PLXDC2: variants seen among roughly 807,000 people sequenced by gnomAD.
PLXDC2 encodes the protein plexin domain containing 2.
Under a neutral mutation model 68.9 loss-of-function variants are expected in PLXDC2, and 40 were observed. The observed-to-expected ratio is 0.58, with a 90% CI of 0.45 to 0.76. The LOEUF is 0.76. Ranked by LOEUF, PLXDC2 falls within the 30% of genes least tolerant of loss-of-function variation. The probability of loss-of-function intolerance (pLI) is 0.00; values close to 1 mark genes in which losing one functional copy is unlikely to be tolerated. For synonymous variants in PLXDC2, 243 were observed against 234.2 expected, an observed-to-expected ratio of 1.04 and a Z score of -0.34; for missense variants, 644 against 661.9, an observed-to-expected ratio of 0.97 and a Z score of 0.30.
At chr10:20,076,994 A>T (rs1051492331) in intron 4 of PLXDC2, among the ~76,000 whole-genome samples, 2 of 152,184 alleles carry the variant, frequency 1.3e-5, no homozygotes, top group Non-Finnish European at 2.9e-5. Flanking sequence ...ACTGGGTAAC[A>T]AGCATTATAA....
rs543425302 is a variant in PLXDC2, at chr10:20,153,519, T to A, written c.783+5617T>A. ...ATTTTATTCACATTTCCTGCTTGAT[T>A]TAAGTGGTAGAAATGATCTTAATCT... On this transcript the variant is annotated intron_variant, in intron 6 of 13. Transcript: ENST00000377252. 9.1e-4 allele frequency among the ~76,000 whole-genome samples: 139 copies of A among 152,286 alleles called. 1 individual carries two copies. The highest frequency in any genetic ancestry group is 3.1e-3 in the African/African-American group (127 of 41,558).
chr10:19,951,491 CAA>C (rs550058681), intron 1 of PLXDC2, among the ~76,000 whole-genome samples: 1 of 151,750 alleles, frequency 6.6e-6, no homozygotes, highest in Non-Finnish European at 1.5e-5. Context: ...ATTTAAAAGT[CAA>C]AAAAACAACA....
intron 1 of PLXDC2, among the ~76,000 whole-genome samples, chr10:19,965,925 T>C (rs2131606702): frequency 6.6e-6 from 1 of 152,246 alleles, no homozygotes; most frequent in Admixed American, 6.5e-5. Flanking sequence ...TAACAAGATC[T>C]CAGTCTCAAT....
intron 3 of PLXDC2, among the ~76,000 whole-genome samples, chr10:20,061,788 G>A (rs535824090): frequency 1.0e-3 from 157 of 152,198 alleles, no homozygotes; most frequent in African/African-American, 3.5e-3. Flanking sequence ...TGAAGACATC[G>A]TAACATTGCC....
chr10:20,128,843 C>T (rs1833827552), intron 4 of PLXDC2, among the ~76,000 whole-genome samples: 1 of 152,112 alleles, frequency 6.6e-6, no homozygotes, highest in Non-Finnish European at 1.5e-5. Flanking sequence ...AATAGTATTC[C>T]ATTTTGTACC....
intron 9 of PLXDC2, among the ~76,000 whole-genome samples, chr10:20,206,859 C>CAG (rs1834999967): frequency 6.8e-6 from 1 of 147,640 alleles, no homozygotes; most frequent in South Asian, 2.1e-4. Flanking sequence ...AACACACACA[C>CAG]ACACACACAC....
chr10:19,944,781 T>C (rs1284947051), intron 1 of PLXDC2, among the ~76,000 whole-genome samples: 1 of 152,066 alleles, frequency 6.6e-6, no homozygotes, highest in East Asian at 1.9e-4. Flanking sequence ...TGAAACCCCG[T>C]TTCTACTAAA....
rs10675416 is a variant in PLXDC2 at position 20,140,387 on chromosome 10, C to CATATATATATAT, written c.542-2904_542-2893dup. Among the ~76,000 whole-genome samples the CATATATATATAT allele has an allele frequency of 2.1e-3, 314 of 147,062 alleles. 4 individuals carry two copies. Among genetic ancestry groups the CATATATATATAT allele is most frequent in the South Asian group, 0.019 (87 of 4,658 alleles). On this transcript the variant is annotated intron_variant, in intron 4 of 13. Coordinates refer to ENST00000377252, the MANE Select transcript of PLXDC2 (RefSeq NM_032812.9). ...AAAAAATGAAGGACCAGAAAAATAA[C>CATATATATATAT]ATATATATATATATAAAATATCTAT... is the stretch of plus-strand genomic sequence containing the variant.
intron 4 of PLXDC2, among the ~76,000 whole-genome samples, chr10:20,083,650 A>G (rs1833144535): frequency 1.3e-5 from 2 of 152,236 alleles, no homozygotes; most frequent in South Asian, 4.1e-4. Flanking sequence ...AATATTTAAA[A>G]GAGTATGCAG....
intron 13 of PLXDC2, among the ~76,000 whole-genome samples, chr10:20,266,473 C>CTTT (rs1199326912): frequency 6.6e-6 from 1 of 151,708 alleles, no homozygotes; most frequent in Non-Finnish European, 1.5e-5. Flanking sequence ...TTTTTAAAAT[C>CTTT]TAAATAATTA....
chr10:19,948,285 T>C (rs1833936261), intron 1 of PLXDC2, among the ~76,000 whole-genome samples: 1 of 152,062 alleles, frequency 6.6e-6, no homozygotes. Flanking sequence ...TCTCTAAGGA[T>C]GCCATTTCTC....
chr10:19,982,142 A>C (rs1834561401), intron 1 of PLXDC2, among the ~76,000 whole-genome samples: 1 of 152,252 alleles, frequency 6.6e-6, no homozygotes, highest in African/African-American at 2.4e-5. Flanking sequence ...CAAAGAGTAA[A>C]TGCATTCATT....
At chr10:19,995,520 G>A (rs1834829786) in intron 1 of PLXDC2, among the ~76,000 whole-genome samples, 1 of 152,192 alleles carries the variant, frequency 6.6e-6, no homozygotes, top group South Asian at 2.1e-4. Flanking sequence ...CTCCCAGAAG[G>A]AAGGAAGGTG....
intron 1 of PLXDC2, among the ~76,000 whole-genome samples, chr10:19,918,709 T>C (rs1014591437): frequency 6.6e-6 from 1 of 152,222 alleles, no homozygotes; most frequent in Non-Finnish European, 1.5e-5. Context: ...TACTTTCCCA[T>C]ACTTTAATAT....
chr10:19,823,535 T>C (rs1488095094), intron 1 of PLXDC2, among the ~76,000 whole-genome samples: 3 of 151,678 alleles, frequency 2.0e-5, no homozygotes, highest in Non-Finnish European at 4.4e-5. Flanking sequence ...TAAAAAAAAT[T>C]AGCCAGGCAT....
At chr10:19,917,190 C>A (rs1347654108) in intron 1 of PLXDC2, among the ~76,000 whole-genome samples, 5 of 152,218 alleles carry the variant, frequency 3.3e-5, no homozygotes, top group Non-Finnish European at 5.9e-5. Context: ...TTGAGTCTGG[C>A]AGTGCGGTGT....
intron 4 of PLXDC2, among the ~76,000 whole-genome samples, chr10:20,118,070 A>G (rs1833645507): frequency 6.6e-6 from 1 of 151,836 alleles, no homozygotes; most frequent in African/African-American, 2.4e-5. Context: ...ATATGTGTCT[A>G]TATATGTCTG....
intron 1 of PLXDC2, among the ~76,000 whole-genome samples, chr10:19,990,601 G>C (rs1387802060): frequency 6.6e-6 from 1 of 151,862 alleles, no homozygotes; most frequent in East Asian, 1.9e-4. Flanking sequence ...ATTCTTAACT[G>C]GTTGTTTGTA....
intron 4 of PLXDC2, among the ~76,000 whole-genome samples, chr10:20,131,032 G>T (rs1589645424): frequency 1.3e-5 from 2 of 152,132 alleles, no homozygotes; most frequent in South Asian, 4.2e-4. Flanking sequence ...CAAATTTTTT[G>T]GAAGATTTTA....
Sources: gnomAD v4.1 joint callset for allele counts (sites outside exome capture counted in the v4.1 genomes callset) on GRCh38, gnomAD v4.1.1 for gene constraint, MANE v1.5 for transcripts, NCBI Gene and HGNC (gene_info 2026-07-23, HGNC 2026-07-21) for gene names.